The following SLC7A2 variants were observed in gnomAD, a reference collection of about 807,000 sequenced individuals.
The protein encoded by SLC7A2 is cationic amino acid transporter 2.
In SLC7A2, 48 loss-of-function variants were observed where a neutral mutation model predicts 58.9. The ratio of observed to expected loss-of-function variants is 0.82; its 90% CI spans 0.65 to 1.04. The LOEUF is 1.04. Ranked by LOEUF, SLC7A2 falls within the 50% of genes least tolerant of loss-of-function variation. The pLI is 0.00. For synonymous variants in SLC7A2, 363 were observed against 314.5 expected (o/e 1.15, Z -1.63); for missense variants, 1,029 against 818.8 (o/e 1.26, Z -3.13).
At chr8:17,551,087 A>T (rs541245867) in intron 6 of SLC7A2, among the ~76,000 whole-genome samples, 1 of 152,306 alleles carries the variant, frequency 6.6e-6, no homozygotes, top group Admixed American at 6.5e-5. Context: ...CAGTCATTTA[A>T]TCTCTGTAGA....
intron 2 of SLC7A2, among the ~76,000 whole-genome samples, chr8:17,534,493 C>A (rs940981558): frequency 6.6e-6 from 1 of 152,030 alleles, no homozygotes; most frequent in Non-Finnish European, 1.5e-5. Context: ...ACTCAGAGAT[C>A]GAATCTTCAG....
Position 17,567,274 on chromosome 8 carries a change from C to G in SLC7A2, c.*2128C>G, listed in dbSNP as rs1422642691. 6.6e-6 allele frequency: 1 copy of G among 152,358 alleles called. No individual in the cohort carries two copies. The highest frequency in any genetic ancestry group is 1.5e-5 in the Non-Finnish European group (1 of 68,028). The allele number at this position is 152,358 out of a possible 1,614,324, so 9.4% of individuals were successfully genotyped here. A position where few individuals can be genotyped will look rare whatever the true frequency, so the allele number is the denominator to read the frequency against. On this transcript the variant is annotated 3_prime_UTR_variant, in exon 13 of 13. Transcript: ENST00000494857. ...ATTCTATACCCAATCAAGAATAGAC[C>G]CTTCACACAGGAAATGTGAACAATT...
chr8:17,503,114 G>C lies in SLC7A2; in HGVS notation c.-23+812G>C, dbSNP rs185953888. The stretch of plus-strand genomic sequence containing the variant: ...CACCCAGGCTGGAGTGCAGTGGCGC[G>C]ATCTCGGCTCGCTGCAAGCTCCGCC... On this transcript the variant is annotated intron_variant, in intron 2 of 12. Coordinates refer to ENST00000494857, the MANE Select transcript of SLC7A2 (RefSeq NM_001370338.1). 2.7e-4 allele frequency among the ~76,000 whole-genome samples: 41 copies of C among 151,902 alleles called. No homozygotes were observed. In the East Asian group the frequency reaches 7.8e-3, roughly 29 times the overall value.
chr8:17,560,938 C>T (rs1051026374), intron 10 of SLC7A2, among the ~76,000 whole-genome samples: 1 of 152,148 alleles, frequency 6.6e-6, no homozygotes, highest in Non-Finnish European at 1.5e-5. Flanking sequence ...TTCATATTTT[C>T]AATGACATTT....
At chr8:17,520,645 A>AAAG (rs1800979353) in intron 2 of SLC7A2, 1 of 132,446 alleles carries the variant, frequency 7.6e-6, no homozygotes, top group African/African-American at 5.3e-5. Flanking sequence ...TGTCTTTAAA[A>AAAG]AAAAAAAAAA....
rs1302366583 is a variant in SLC7A2, at chr8:17,565,519, T to G, written c.*373T>G. 1 of 165,822 alleles carries G rather than the reference T, an allele frequency of 6.0e-6. No homozygotes were observed. The highest frequency in any genetic ancestry group is 2.4e-5 in the African/African-American group (1 of 41,926). The allele number at this position is 165,822 out of a possible 1,614,324, so 10.3% of individuals were successfully genotyped here. ...AATCGGTGGCATATACTGCACATAC[T>G]GAAATAGAGGGAAATCACTGAATGT... On this transcript the variant is annotated 3_prime_UTR_variant, in exon 13 of 13. Transcript: ENST00000494857.
At chr8:17,547,966 T>C (rs999506755) in intron 4 of SLC7A2, among the ~76,000 whole-genome samples, 3 of 152,230 alleles carry the variant, frequency 2.0e-5, no homozygotes, top group Non-Finnish European at 2.9e-5. Context: ...AAGTACTTTT[T>C]TGGCACAATT....
intron 2 of SLC7A2, among the ~76,000 whole-genome samples, chr8:17,524,145 C>T (rs536363687): frequency 9.2e-5 from 14 of 152,120 alleles, no homozygotes; most frequent in Non-Finnish European, 1.6e-4. Flanking sequence ...AATACTTTTA[C>T]ACTGTTGGTG....
intron 5 of SLC7A2, among the ~76,000 whole-genome samples, chr8:17,549,674 A>G (rs992521037): frequency 6.6e-6 from 1 of 152,244 alleles, no homozygotes; most frequent in Admixed American, 6.5e-5. Context: ...ACAAGCAGAC[A>G]TAAGATTACA....
intron 2 of SLC7A2, among the ~76,000 whole-genome samples, chr8:17,514,808 G>A (rs922675020): frequency 3.3e-5 from 5 of 152,320 alleles, no homozygotes; most frequent in Non-Finnish European, 5.9e-5. Context: ...TAGCAGTAAT[G>A]AGCATAAAGG....
chr8:17,497,501 G>T (rs544230674), intron 1 of SLC7A2, among the ~76,000 whole-genome samples: 1 of 152,296 alleles, frequency 6.6e-6, no homozygotes, highest in South Asian at 2.1e-4. Context: ...AATGCGCCTC[G>T]CCTCGTCCGG....
At chr8:17,555,897 C>A (rs1458181045) in intron 8 of SLC7A2, among the ~76,000 whole-genome samples, 1 of 152,060 alleles carries the variant, frequency 6.6e-6, no homozygotes, top group African/African-American at 2.4e-5. Context: ...CTTTTGCAAG[C>A]TTTATACATA....
chr8:17,558,372 G>T lies in SLC7A2; in HGVS notation c.1273G>T (p.Val425Leu), dbSNP rs769069991. The change falls in exon 9 of 13, where the codon GTG becomes TTG. Residue 425 changes from valine (V) to leucine (L), a missense_variant. Coordinates refer to ENST00000494857, the MANE Select transcript of SLC7A2 (RefSeq NM_001370338.1). ...TGGCACACTCATGGCCTACTCTCTG[G>T]TGGCAGCCTGTGTTCTCATCCTCAG... ...SIGTLMAYSL[V>L]AACVLILRYQ... 1.2e-6 allele frequency: 2 copies of T among 1,612,838 alleles called. No homozygotes were observed. Among genetic ancestry groups the T allele is most frequent in the Admixed American group, 3.3e-5 (2 of 59,938 alleles).
chr8:17,563,797 G>A, intron 12 of SLC7A2, 86 bp downstream of exon 12: 1 of 804,438 alleles, frequency 1.2e-6, no homozygotes, highest in South Asian at 1.7e-5. Flanking sequence ...TGGGAATAAA[G>A]GCTTTTTTTT....
chr8:17,550,314 G>A lies in SLC7A2; in HGVS notation c.712G>A (p.Glu238Lys). 1 of 1,613,928 alleles carries A rather than the reference G, an allele frequency of 6.2e-7. No individual in the cohort carries two copies. Among genetic ancestry groups the A allele is most frequent in the Non-Finnish European group, 8.5e-7 (1 of 1,179,930 alleles). ...ISASAREPPS[E>K]NGTSIYGAGG... is the part of the protein sequence containing the mutation. Reference sequence around the variant, plus strand: ...TCTCTTTCTTAGAGAGCCACCTTCTGAAAACGGAACAAGTATCTATGGGGC... The same window carrying A: ...TCTCTTTCTTAGAGAGCCACCTTCTAAAAACGGAACAAGTATCTATGGGGC... Residue 238 changes from glutamate (E) to lysine (K), a missense_variant, in exon 6 of 13, where the codon GAA (glutamate) becomes AAA (lysine). Physicochemically the swap from Glu to Lys is moderately conservative, Grantham distance 56. Transcript: ENST00000494857.
chr8:17,500,498 C>A (rs1260684306), intron 1 of SLC7A2: 2 of 152,168 alleles, frequency 1.3e-5, no homozygotes, highest in Non-Finnish European at 2.9e-5. Flanking sequence ...CATGGTGAAA[C>A]CCCGTCTCTA....
chr8:17,508,627 G>A (rs552729668), intron 2 of SLC7A2, among the ~76,000 whole-genome samples: 24 of 152,092 alleles, frequency 1.6e-4, no homozygotes, highest in Non-Finnish European at 3.1e-4. Context: ...AGGAGGCTGC[G>A]GTATGAGAAT....
intron 2 of SLC7A2, among the ~76,000 whole-genome samples, chr8:17,533,498 T>G (rs1473006866): frequency 6.6e-6 from 1 of 152,200 alleles, no homozygotes; most frequent in Non-Finnish European, 1.5e-5. Flanking sequence ...GTGATTGAAT[T>G]CTAACAATTA....
At position 17,515,358 on chromosome 8, in the gene SLC7A2, C is replaced by T. The variant is rs1263395396; in HGVS notation, c.-23+13056C>T. The stretch of plus-strand genomic sequence containing the variant: ...GTCTCCAGACTGGAGTGCAGTGTCG[C>T]AATCTCGGCTCACTGCAACCTCCAC... On this transcript the variant is annotated intron_variant, in intron 2 of 12. Transcript: ENST00000494857. 3.3e-5 allele frequency among the ~76,000 whole-genome samples: 5 copies of T among 151,134 alleles called. No individual in the cohort carries two copies. The East Asian group carries it at 9.8e-4, about 30-fold the overall frequency.
Sources: allele counts gnomAD v4.1 joint callset (sites outside exome capture counted in the v4.1 genomes callset), GRCh38; gene constraint gnomAD v4.1.1; transcripts MANE v1.5; gene names NCBI Gene and HGNC (gene_info 2026-07-23, HGNC 2026-07-21).